The following CPT1C variants were observed in gnomAD, a reference collection of about 807,000 sequenced individuals.
CPT1C encodes the protein carnitine palmitoyltransferase 1C.
In CPT1C, 61 loss-of-function variants were observed where a neutral mutation model predicts 97.3. That is an observed-to-expected ratio of 0.63 (90% CI 0.51 to 0.78). CPT1C has a LOEUF of 0.78. CPT1C is among the 30% of genes least tolerant of loss of function. The probability of loss-of-function intolerance (pLI) is 0.00; values close to 1 mark genes in which losing one functional copy is unlikely to be tolerated. For synonymous variants in CPT1C, 469 were observed against 447.2 expected, an observed-to-expected ratio of 1.05 and a Z score of -0.61; for missense variants, 975 against 1,065.5, an observed-to-expected ratio of 0.92 and a Z score of 1.18.
chr19:49,713,300 G>A, intron 19 of CPT1C, 120 bp from the exon 20 acceptor site: 1 of 977,114 alleles, frequency 1.0e-6, no homozygotes, highest in Non-Finnish European at 1.5e-6. Flanking sequence ...AGACTCGGGA[G>A]TCCAGGCCCC....
intron 15 of CPT1C, 101 bp downstream of exon 15, chr19:49,710,585 G>T (rs1204536214): frequency 4.5e-6 from 7 of 1,572,860 alleles, no homozygotes; most frequent in Non-Finnish European, 6.1e-6. Context: ...GCCATTGTGG[G>T]TCGGCCATCT....
At chr19:49,711,577 T>G in intron 16 of CPT1C, 1 of 560,834 alleles carries the variant, frequency 1.8e-6, no homozygotes, top group Non-Finnish European at 3.2e-6. Context: ...ATGGAAGGAG[T>G]TTGGACTCTG....
Position 49,700,689 on chromosome 19 carries a change from G to T in CPT1C, c.287G>T (p.Gly96Val). ...KIKELLPDWG[G>V]QHHGLRGVLA... is the part of the protein sequence containing the mutation. ...CTCTGTTTCTCTCCCCGCAGGGGTG[G>T]ACAACACCACGGGCTCCGGGGGGTC... The change falls in exon 5 of 20, where the codon GGA (glycine) becomes GTA (valine). Residue 96 changes from glycine (G) to valine (V), a missense_variant. Gly to Val is a moderately radical substitution (Grantham distance 109). Transcript: ENST00000598293. 6.2e-7 allele frequency: 1 copy of T among 1,608,364 alleles called. No individual in the cohort carries two copies.
chr19:49,709,711 C>T (rs2083731607), intron 14 of CPT1C, among the ~76,000 whole-genome samples: 1 of 151,978 alleles, frequency 6.6e-6, no homozygotes, highest in Non-Finnish European at 1.5e-5. Context: ...CCCACTACCA[C>T]ACCCGGCTAA....
At chr19:49,690,918 G>T, upstream of CPT1C, 1 of 159,526 alleles carries the variant, frequency 6.3e-6, no homozygotes, top group Non-Finnish European at 1.4e-5. The surrounding 1 kb of genome is among the most constrained non-coding windows in gnomAD (Gnocchi z 4.4). Flanking sequence ...GAGACAATGA[G>T]CTGAGTGAGG....
chr19:49,710,270 C>G (rs767525503), intron 14 of CPT1C, 50 bp from the exon 15 acceptor site: 1 of 1,585,992 alleles, frequency 6.3e-7, no homozygotes, highest in South Asian at 1.1e-5. Flanking sequence ...GGCTTTCACC[C>G]TACCCCCATC....
chr19:49,704,916 T>A lies in CPT1C; in HGVS notation c.772-91T>A. ...ATCTGGGATTCATCATTCCACCCTC[T>A]TTTGGGGTCAGGACCTGTATTTGGG... is the stretch of plus-strand genomic sequence containing the variant. On this transcript the variant is annotated intron_variant, in intron 8 of 19. Transcript: ENST00000598293. The A allele has an allele frequency of 3.5e-6, 5 of 1,412,366 alleles. No individual in the cohort carries two copies. The Middle Eastern group carries it at 7.2e-4, about 203-fold the overall frequency. 87.5% of individuals were successfully genotyped at this position (1,412,366 alleles called of 1,614,324 possible). A position where few individuals can be genotyped will look rare whatever the true frequency, so the allele number is the denominator to read the frequency against.
upstream of CPT1C, chr19:49,690,699 G>T (rs1568494753): frequency 2.0e-6 from 1 of 504,058 alleles, no homozygotes; most frequent in Non-Finnish European, 3.4e-6. The surrounding 1 kb of genome is among the most constrained non-coding windows in gnomAD (Gnocchi z 4.4). Context: ...AATCCAACCC[G>T]CTGTGGCGCC....
chr19:49,712,070 C>G, intron 17 of CPT1C, 109 bp downstream of exon 17: 2 of 1,327,442 alleles, frequency 1.5e-6, no homozygotes, highest in Non-Finnish European at 2.0e-6. Context: ...AGGCCGGGCA[C>G]GGTGGCTCAC....
At position 49,701,951 on chromosome 19, in the gene CPT1C, T is replaced by A. The variant is rs1301776872; in HGVS notation, c.693+317T>A. The stretch of plus-strand genomic sequence containing the variant: ...ATATTAATATTTATAAATTTATATA[T>A]AAATATATTTATATATAAATTTATA... On this transcript the variant is annotated intron_variant, in intron 7 of 19. Transcript: ENST00000598293. Among the ~76,000 whole-genome samples, 4 of 87,012 alleles carry A rather than the reference T, an allele frequency of 4.6e-5. 1 individual carries two copies. The highest frequency in any genetic ancestry group is 8.3e-5 in the Non-Finnish European group (4 of 48,400). 57.1% of individuals were successfully genotyped at this position (87,012 alleles called of 152,430 possible).
intron 7 of CPT1C, 21 bp from the exon 8 acceptor site, chr19:49,704,689 G>A: frequency 3.1e-6 from 5 of 1,608,434 alleles, no homozygotes; most frequent in Non-Finnish European, 4.3e-6. Flanking sequence ...CTCACTGTGT[G>A]TCTCCCCACC....
Position 49,711,891 on chromosome 19 carries a change from T to C in CPT1C, c.1949T>C (p.Val650Ala). The change falls in exon 17 of 20, where the codon GTT becomes GCT. Residue 650 changes from valine (V) to alanine (A), a missense_variant. This residue lies in a region of CPT1C where 344 missense variants were observed against 395.7 expected (regional missense o/e 0.87). Transcript: ENST00000598293. Reference sequence around the variant, plus strand: ...AAGGCAGCCATGAGCGGGCAGGGAGTTGACCGCCACCTGTTTGCGCTGTAC... The same window carrying C: ...AAGGCAGCCATGAGCGGGCAGGGAGCTGACCGCCACCTGTTTGCGCTGTAC... ...LLKAAMSGQG[V>A]DRHLFALYIV... 1 of 1,613,958 alleles carries C rather than the reference T, an allele frequency of 6.2e-7. No homozygotes were observed. The highest frequency in any genetic ancestry group is 8.5e-7 in the Non-Finnish European group (1 of 1,179,996).
At chr19:49,698,528 TG>T (rs2082801305) in intron 4 of CPT1C, among the ~76,000 whole-genome samples, 1 of 151,648 alleles carries the variant, frequency 6.6e-6, no homozygotes, top group Non-Finnish European at 1.5e-5. Flanking sequence ...CCGGGTGTGG[TG>T]GTGCGCGCCT....
In CPT1C at chr19:49,706,039, C is replaced by A. The variant is rs2083478281; in HGVS notation, c.1095C>A (p.Ile365=). 2 of 1,613,980 alleles carry A rather than the reference C, an allele frequency of 1.2e-6. No individual in the cohort carries two copies. Among genetic ancestry groups the A allele is most frequent in the East Asian group, 2.2e-5 (1 of 44,860 alleles). ...PRALEQQFQR[I]LDDPSPACPH... is the part of the protein sequence containing the mutation. ...CCCTGGAGCAGCAGTTTCAGAGAAT[C>A]CTGGATGATCCCTCACCGGCCTGCC... Residue 365 remains isoleucine (I), a synonymous_variant, in exon 11 of 20, where the codon ATC becomes ATA. Transcript: ENST00000598293. This position sits in a 1 kb window ranked among gnomAD's most constrained non-coding sequence, Gnocchi z 4.8.
intron 7 of CPT1C, among the ~76,000 whole-genome samples, chr19:49,703,070 TACACACACACACACAC>T (rs72113209): frequency 1.4e-5 from 2 of 144,208 alleles, no homozygotes; most frequent in Non-Finnish European, 3.0e-5. Context: ...AGATTCTGTT[TACACACACACACACAC>T]ACACACACAC....
In CPT1C at chr19:49,701,408, C is replaced by T; in HGVS notation, c.545C>T (p.Thr182Ile). The T allele has an allele frequency of 6.2e-7, 1 of 1,610,694 alleles. No homozygotes were observed. The highest frequency in any genetic ancestry group is 1.1e-5 in the South Asian group (1 of 90,754). Residue 182 changes from threonine to isoleucine, a missense_variant, in exon 6 of 20, where the codon ACC (threonine) becomes ATC (isoleucine). Physicochemically the swap from Thr to Ile is moderately conservative, Grantham distance 89. Coordinates refer to ENST00000598293, the MANE Select transcript of CPT1C (RefSeq NM_001199753.2). ...PRQPVPSVQD[T>I]VRKYLESVRP... ...CAGCCCGTGCCCTCTGTGCAGGACA[C>T]CGTGCGCAAGGTGGGCCTGGGAGCG...
In CPT1C at chr19:49,706,711, C is replaced by T. The variant is rs2083519501; in HGVS notation, c.1343+298C>T. Among the ~76,000 whole-genome samples, 1 of 152,094 alleles carries T rather than the reference C, an allele frequency of 6.6e-6. No homozygotes were observed. Among genetic ancestry groups the T allele is most frequent in the African/African-American group, 2.4e-5 (1 of 41,414 alleles). ...GACCCAGAGAACTCAGCATCACAGA[C>T]CCAGAGACCCCAGATCTGAGGACCA... is the stretch of plus-strand genomic sequence containing the variant. On this transcript the variant is annotated intron_variant, in intron 12 of 19. Coordinates refer to ENST00000598293, the MANE Select transcript of CPT1C (RefSeq NM_001199753.2). The surrounding 1 kb of genome is among the most constrained non-coding windows in gnomAD (Gnocchi z 4.8).
At chr19:49,692,889 CTTAT>C (rs771010200) in intron 3 of CPT1C, among the ~76,000 whole-genome samples, 5 of 151,878 alleles carry the variant, frequency 3.3e-5, no homozygotes, top group South Asian at 2.1e-4. Context: ...CCATGCCTGG[CTTAT>C]TTATTTATTT....
intron 13 of CPT1C, among the ~76,000 whole-genome samples, 165 bp from the exon 14 acceptor site, chr19:49,708,558 T>G (rs975042574): frequency 7.9e-5 from 12 of 152,134 alleles, no homozygotes; most frequent in Admixed American, 7.2e-4. Flanking sequence ...GTTAGTCCTG[T>G]TCTTGATGAA....
Sources: gnomAD v4.1 joint callset for allele counts (sites outside exome capture counted in the v4.1 genomes callset) on GRCh38, gnomAD v4.1.1 for gene constraint, gnomAD v4.1.1 regional missense constraint, Gnocchi (gnomAD v3.1) non-coding constraint, MANE v1.5 for transcripts, NCBI Gene and HGNC (gene_info 2026-07-23, HGNC 2026-07-21) for gene names.